Variants in MORC2 observed in about 807,000 individuals in gnomAD.
The protein encoded by MORC2 is MORC family CW-type zinc finger 2.
In MORC2, 30 loss-of-function variants were observed where a neutral mutation model predicts 136.0. The ratio of observed to expected loss-of-function variants is 0.22; its 90% CI spans 0.17 to 0.30. The LOEUF (loss-of-function observed/expected upper bound fraction) is 0.30. Among genes scored for constraint, MORC2 ranks in the 10% least tolerant of loss-of-function variants. MORC2 has a pLI of 1.00. For missense variants in MORC2, 922 were observed against 1,333.1 expected, an observed-to-expected ratio of 0.69 and a Z score of 4.80; for synonymous variants, 439 against 487.0, an observed-to-expected ratio of 0.90 and a Z score of 1.30.
rs1369923017 is a variant in MORC2, at chr22:30,932,316, G to T, written c.2841+43C>A. ...TTACAACAAATGCAGGGGCAGGGGT[G>T]GGGGAATGAAGAGTGTGGAATCGAA... On this transcript the variant is annotated intron_variant, in intron 24 of 25. Transcript: ENST00000397641. This position sits in a 1 kb window ranked among gnomAD's most constrained non-coding sequence, Gnocchi z 4.4. 6.8e-7 allele frequency: 1 copy of T among 1,462,932 alleles called. No homozygotes were observed. The highest frequency in any genetic ancestry group is 1.8e-5 in the Admixed American group (1 of 56,174). 90.6% of individuals were successfully genotyped at this position (1,462,932 alleles called of 1,614,324 possible).
At chr22:30,965,011 G>C (rs2041105483) in intron 1 of MORC2, among the ~76,000 whole-genome samples, 1 of 152,196 alleles carries the variant, frequency 6.6e-6, no homozygotes, top group African/African-American at 2.4e-5. Context: ...AAAACTGTCA[G>C]ATTAGCCCCA....
chr22:30,940,211 A>G (rs1376409220), intron 10 of MORC2, among the ~76,000 whole-genome samples, 170 bp from the exon 11 acceptor site: 1 of 152,148 alleles, frequency 6.6e-6, no homozygotes, highest in East Asian at 1.9e-4. Flanking sequence ...CCTGGACGGC[A>G]GTCAGTCACA....
intron 3 of MORC2, among the ~76,000 whole-genome samples, chr22:30,954,593 T>C (rs1222193670): frequency 3.9e-4 from 59 of 152,206 alleles, no homozygotes; most frequent in Admixed American, 3.9e-3. Flanking sequence ...TCCCAAAGCA[T>C]AACAGGAGTT....
chr22:30,952,776 A>T (rs2040910147), intron 3 of MORC2, among the ~76,000 whole-genome samples: 1 of 152,248 alleles, frequency 6.6e-6, no homozygotes, highest in Admixed American at 6.5e-5. Flanking sequence ...TATGATGAGG[A>T]CAAGAGCAGT....
chr22:30,937,862 C>T lies in MORC2; in HGVS notation c.1322G>A (p.Arg441Gln). ...ADAKEYRHLL[R>Q]AMGEHLAQYW... is the part of the protein sequence containing the mutation. The stretch of plus-strand genomic sequence containing the variant: ...CTGCGCCAGGTGCTCCCCCATTGCT[C>T]GGAGCAGGTGCCGGTACTCCTTGGC... The change falls in exon 14 of 26, where the codon CGA (arginine) becomes CAA (glutamine). Residue 441 changes from arginine (R) to glutamine (Q), a missense_variant. Arg to Gln is a conservative substitution (Grantham distance 43, BLOSUM62 1). Transcript: ENST00000397641. The surrounding 1 kb of genome is among the most constrained non-coding windows in gnomAD (Gnocchi z 4.7). 2.5e-6 allele frequency: 4 copies of T among 1,614,130 alleles called. No individual in the cohort carries two copies. The highest frequency in any genetic ancestry group is 3.4e-6 in the Non-Finnish European group (4 of 1,180,028).
chr22:30,966,621 T>A (rs563153727), intron 1 of MORC2, among the ~76,000 whole-genome samples: 8 of 151,992 alleles, frequency 5.3e-5, no homozygotes. Context: ...TCTAAAAAAA[T>A]ACAAAAATTA....
chr22:30,967,827 T>C lies in MORC2; in HGVS notation c.63A>G (p.Thr21=), dbSNP rs73156742. The C allele has an allele frequency of 3.1e-3, 4,792 of 1,551,140 alleles. 12 individuals are homozygous for C. The highest frequency in any genetic ancestry group is 3.5e-3 in the Non-Finnish European group (4,031 of 1,147,070). Residue 21 remains threonine, a synonymous_variant, in exon 1 of 26, where the codon ACA becomes ACG. Coordinates refer to ENST00000397641, the MANE Select transcript of MORC2 (RefSeq NM_001303256.3). The part of the protein sequence containing the change: ...RAQLTFEYLH[T]NSTTHEFLFG... ...GGCACCTAGAGGATACTTACGAATT[T>C]GTGTGCAGATATTCAAAGGTTAGCT...
Position 30,964,000 on chromosome 22 carries a change from G to T in MORC2, c.68+3822C>A, listed in dbSNP as rs771499934. 2.6e-5 allele frequency among the ~76,000 whole-genome samples: 4 copies of T among 152,178 alleles called. 1 individual carries two copies. The highest frequency in any genetic ancestry group is 2.9e-5 in the Non-Finnish European group (2 of 68,034). On this transcript the variant is annotated intron_variant, in intron 1 of 25. Coordinates refer to ENST00000397641, the MANE Select transcript of MORC2 (RefSeq NM_001303256.3). ...TATGAGCCTGCTCAACAGCCTTAAA[G>T]TAATAAGTAATCTAAGTCTCTGAGT...
At chr22:30,962,526 C>G (rs1027640693) in intron 1 of MORC2, among the ~76,000 whole-genome samples, 1 of 150,610 alleles carries the variant, frequency 6.6e-6, no homozygotes, top group East Asian at 1.9e-4. Context: ...GCCTAAGAAG[C>G]GAGGGTTGCA....
rs2040732467 is a variant in MORC2 at position 30,940,788 on chromosome 22, C to A, written c.874G>T (p.Val292Leu). 6.2e-7 allele frequency: 1 copy of A among 1,614,048 alleles called. No individual in the cohort carries two copies. Among genetic ancestry groups the A allele is most frequent in the East Asian group, 2.2e-5 (1 of 44,878 alleles). The change falls in exon 10 of 26, where the codon GTG (valine) becomes TTG (leucine). Residue 292 changes from valine (V) to leucine (L), a missense_variant. Val to Leu is a conservative substitution (Grantham distance 32). This residue lies in a region of MORC2 where 261 missense variants were observed against 354.3 expected (regional missense o/e 0.74). Transcript: ENST00000397641. Reference protein sequence around the residue: ...SRFKTRAEQEVKKAEHVARIA... With the variant: ...SRFKTRAEQELKKAEHVARIA... ...CTTGCTACGTGCTCTGCTTTCTTCA[C>A]CTCCTGCTCCGCACGGGTCTTGAAA... is the stretch of plus-strand genomic sequence containing the variant.
At chr22:30,930,420 C>T (rs1023327885) in intron 24 of MORC2, among the ~76,000 whole-genome samples, 4 of 152,176 alleles carry the variant, frequency 2.6e-5, no homozygotes, top group Non-Finnish European at 4.4e-5. Context: ...GATTTCTGCA[C>T]CTTCTAGCTC....
At chr22:30,960,479 GATTT>G (rs891460977) in intron 1 of MORC2, among the ~76,000 whole-genome samples, 2 of 151,782 alleles carry the variant, frequency 1.3e-5, no homozygotes, top group African/African-American at 4.8e-5. Flanking sequence ...GGAAAAGACA[GATTT>G]ATTTATTTAT....
In MORC2 at chr22:30,930,091, A is replaced by T. The variant is rs1378625535; in HGVS notation, c.2842-1884T>A. 4 of 152,348 alleles carry T rather than the reference A, an allele frequency of 2.6e-5. No individual in the cohort carries two copies. The East Asian group carries it at 7.7e-4, about 29-fold the overall frequency. 9.4% of individuals were successfully genotyped at this position (152,348 alleles called of 1,614,324 possible). ...AGGCTGGTCTCAAACTCCTGGCCTC[A>T]AGTGATCCACCTTCCTCAGCCTCCC... On this transcript the variant is annotated intron_variant, in intron 24 of 25. Coordinates refer to ENST00000397641, the MANE Select transcript of MORC2 (RefSeq NM_001303256.3).
At chr22:30,927,247 C>T (rs2040499834) in intron 25 of MORC2, among the ~76,000 whole-genome samples, 1 of 152,036 alleles carries the variant, frequency 6.6e-6, no homozygotes, top group African/African-American at 2.4e-5. Context: ...CTAACTTTGA[C>T]CCCTCCAGGC....
In MORC2 at chr22:30,946,439, G is replaced by C; in HGVS notation, c.328C>G (p.Arg110Gly). The C allele has an allele frequency of 6.2e-7, 1 of 1,607,816 alleles. No individual in the cohort carries two copies. Among genetic ancestry groups the C allele is most frequent in the Non-Finnish European group, 8.5e-7 (1 of 1,176,906 alleles). ...YGNGLKSGSM[R>G]IGKDFILFTK... ...AACAGGATAAAATCCTTCCCAATGC[G>C]CATTGAGCCCCTGAAAAGGAAACAG... is the stretch of plus-strand genomic sequence containing the variant. The change falls in exon 6 of 26, where the codon CGC (arginine) becomes GGC (glycine). Residue 110 changes from arginine (R) to glycine (G), a missense_variant. Physicochemically the swap from Arg to Gly is moderately radical, Grantham distance 125. Around this residue, in one of 9 missense-constraint regions of MORC2, gnomAD observed 261 missense variants for 354.3 expected, o/e 0.74. Coordinates refer to ENST00000397641, the MANE Select transcript of MORC2 (RefSeq NM_001303256.3).
chr22:30,950,353 C>CCCAAAAAAAAA, intron 4 of MORC2, 24 bp downstream of exon 4: 5 of 1,481,906 alleles, frequency 3.4e-6, no homozygotes, highest in African/African-American at 1.4e-5. Flanking sequence ...CCCCACCCCC[C>CCCAAAAAAAAA]AAAACAATAA....
intron 5 of MORC2, among the ~76,000 whole-genome samples, chr22:30,948,065 C>T (rs561783984): frequency 3.9e-5 from 6 of 152,204 alleles, no homozygotes; most frequent in South Asian, 2.1e-4. Context: ...AACTTCTATA[C>T]GCTTTCCTTC....
chr22:30,956,760 T>G lies in MORC2; in HGVS notation c.157+3A>C, dbSNP rs2040973001. On this transcript the variant is annotated splice_donor_region_variant and intron_variant, in intron 3 of 25. Transcript: ENST00000397641. Reference sequence around the variant, plus strand: ...ACATTAGAAGGACTAAAGCCTGACTTACCTGCATAAATATCTATTCTGGTG... The same window carrying G: ...ACATTAGAAGGACTAAAGCCTGACTGACCTGCATAAATATCTATTCTGGTG... 20 of 1,543,046 alleles carry G rather than the reference T, an allele frequency of 1.3e-5. No individual in the cohort carries two copies. Among genetic ancestry groups the G allele is most frequent in the Non-Finnish European group, 1.7e-5 (19 of 1,140,642 alleles).
chr22:30,941,921 A>G lies in MORC2; in HGVS notation c.668T>C (p.Ile223Thr). The change falls in exon 8 of 26, where the codon ATC (isoleucine) becomes ACC (threonine). Residue 223 changes from isoleucine to threonine, a missense_variant. Ile to Thr is a moderately conservative substitution (Grantham distance 89). This residue lies in a region of MORC2 where 261 missense variants were observed against 354.3 expected (regional missense o/e 0.74). Transcript: ENST00000397641. The surrounding 1 kb of genome is among the most constrained non-coding windows in gnomAD (Gnocchi z 4.6). Reference protein sequence around the residue: ...ELDIISNPRDIQMAETSPEGT... With the variant: ...ELDIISNPRDTQMAETSPEGT... ...CTCTGGGGACGTCTCTGCCATCTGGATATCTCTTGGATTTGAGATTATGTC... is the reference window on the plus strand; with the variant it reads ...CTCTGGGGACGTCTCTGCCATCTGGGTATCTCTTGGATTTGAGATTATGTC... The G allele has an allele frequency of 1.2e-6, 2 of 1,613,510 alleles. No individual in the cohort carries two copies. The highest frequency in any genetic ancestry group is 1.7e-6 in the Non-Finnish European group (2 of 1,179,504).
Sources: gnomAD v4.1 joint callset for allele counts (sites outside exome capture counted in the v4.1 genomes callset) on GRCh38, gnomAD v4.1.1 for gene constraint, gnomAD v4.1.1 regional missense constraint, Gnocchi (gnomAD v3.1) non-coding constraint, MANE v1.5 for transcripts, NCBI Gene and HGNC (gene_info 2026-07-23, HGNC 2026-07-21) for gene names.